The following USP36 variants were observed in gnomAD, a reference collection of about 807,000 sequenced individuals.
USP36 encodes the protein ubiquitin carboxyl-terminal hydrolase 36.
USP36 carries 59 observed loss-of-function variants against 111.5 expected under a neutral mutation model. That is an observed-to-expected ratio of 0.53 (90% CI 0.43 to 0.66). USP36 has a LOEUF of 0.66. Ranked by LOEUF, USP36 falls within the 30% of genes least tolerant of loss-of-function variation. The pLI, the probability that USP36 is intolerant of heterozygous loss-of-function variation, is 0.00. For synonymous variants in USP36, 628 were observed against 581.0 expected, an observed-to-expected ratio of 1.08 and a Z score of -1.16; for missense variants, 1,488 against 1,468.0, an observed-to-expected ratio of 1.01 and a Z score of -0.22.
At chr17:78,832,618 A>G (rs2068250927) in intron 4 of USP36, among the ~76,000 whole-genome samples, 1 of 152,240 alleles carries the variant, frequency 6.6e-6, no homozygotes. Context: ...AGTTTTAACT[A>G]AATTAATCCT....
At chr17:78,794,868 G>T (rs913138186), downstream of USP36, among the ~76,000 whole-genome samples, 6 of 151,960 alleles carry the variant, frequency 3.9e-5, no homozygotes, top group Admixed American at 6.6e-5. Context: ...TTAGTCAGGC[G>T]TGGTGATGCG....
intron 3 of USP36, chr17:78,835,892 A>G (rs2145653435): frequency 1.5e-6 from 1 of 684,110 alleles, no homozygotes; most frequent in African/African-American, 1.8e-5. Flanking sequence ...AGCAAGTCCA[A>G]GGACCCACCA....
chr17:78,806,368 A>G, intron 14 of USP36, 82 bp from the exon 15 acceptor site: 1 of 1,571,276 alleles, frequency 6.4e-7, no homozygotes, highest in Non-Finnish European at 8.6e-7. Flanking sequence ...AGTAACAAAA[A>G]ATGAAAATAA....
At chr17:78,814,852 G>A (rs2094143237) in intron 10 of USP36, among the ~76,000 whole-genome samples, 2 of 152,194 alleles carry the variant, frequency 1.3e-5, no homozygotes, top group South Asian at 2.1e-4. Context: ...TCAGGAGGCT[G>A]AGGAACAAGA....
At chr17:78,814,819 G>A (rs1216368486) in intron 10 of USP36, among the ~76,000 whole-genome samples, 1 of 152,130 alleles carries the variant, frequency 6.6e-6, no homozygotes, top group Non-Finnish European at 1.5e-5. Flanking sequence ...GCATGGTGGT[G>A]CACTGCCTGT....
At chr17:78,826,931 T>C (rs1245481887) in intron 6 of USP36, 1 of 600,800 alleles carries the variant, frequency 1.7e-6, no homozygotes, top group African/African-American at 1.9e-5. Flanking sequence ...TGAATGCCCC[T>C]AAGAAGGTCT....
chr17:78,822,809 T>C (rs2094361637), intron 6 of USP36, among the ~76,000 whole-genome samples: 1 of 152,176 alleles, frequency 6.6e-6, no homozygotes, highest in Admixed American at 6.5e-5. Context: ...GGAACTGCCT[T>C]CCTCAGAGTC....
intron 13 of USP36, among the ~76,000 whole-genome samples, chr17:78,812,581 T>C (rs1162781770): frequency 6.7e-6 from 1 of 149,246 alleles, no homozygotes; most frequent in Non-Finnish European, 1.5e-5. Context: ...TCCCAGCTAC[T>C]AGGGAGGCTG....
intron 10 of USP36, 134 bp downstream of exon 10, chr17:78,818,533 T>G (rs1399341604): frequency 2.7e-6 from 2 of 754,122 alleles, no homozygotes; most frequent in Admixed American, 2.4e-5. Context: ...TCACAATATG[T>G]GTAGAACCTT....
At chr17:78,838,328 C>T (rs1223752304) in intron 2 of USP36, among the ~76,000 whole-genome samples, 1 of 140,734 alleles carries the variant, frequency 7.1e-6, no homozygotes, top group Non-Finnish European at 1.5e-5. Flanking sequence ...GCCGAGATCG[C>T]GCCACTGCAC....
At chr17:78,815,280 C>T (rs1424094946) in intron 10 of USP36, among the ~76,000 whole-genome samples, 4 of 152,036 alleles carry the variant, frequency 2.6e-5, no homozygotes, top group Admixed American at 6.6e-5. Context: ...TACAGTGAGC[C>T]GAGATCATAC....
At chr17:78,815,609 T>A (rs1044476325) in intron 10 of USP36, among the ~76,000 whole-genome samples, 1 of 152,190 alleles carries the variant, frequency 6.6e-6, no homozygotes, top group Non-Finnish European at 1.5e-5. Context: ...AAGTGCTGAA[T>A]TAATATAGCC....
chr17:78,826,939 T>TC, intron 6 of USP36: 1 of 602,038 alleles, frequency 1.7e-6, no homozygotes. Flanking sequence ...CCTAAGAAGG[T>TC]CTGCTAACAT....
chr17:78,820,935 T>C, intron 8 of USP36, 56 bp downstream of exon 8: 1 of 1,553,054 alleles, frequency 6.4e-7, no homozygotes, highest in Non-Finnish European at 8.8e-7. Flanking sequence ...GGGTTCTGTT[T>C]CACCCTCTGG....
chr17:78,827,746 A>G (rs1385155215), intron 5 of USP36, among the ~76,000 whole-genome samples: 2 of 152,064 alleles, frequency 1.3e-5, no homozygotes. Context: ...CTACCAAAAT[A>G]AAAAATAAAA....
In USP36 at chr17:78,831,240, AAAAAAAAAAAAAAG is replaced by A. The variant is rs1222354586; in HGVS notation, c.476-2247_476-2234del. ...AACTCCATCTCAAAAAAAAAAAAAA[AAAAAAAAAAAAAAG>A]GGACAACATAAATATTGAAGAGCTC... is the stretch of plus-strand genomic sequence containing the variant. On this transcript the variant is annotated intron_variant, in intron 4 of 20. Transcript: ENST00000449938. 1.5e-4 allele frequency among the ~76,000 whole-genome samples: 22 copies of A among 148,468 alleles called. 1 individual carries two copies. Among genetic ancestry groups the A allele is most frequent in the Non-Finnish European group, 2.8e-4 (19 of 67,288 alleles).
At chr17:78,827,651 C>A (rs555209838) in intron 5 of USP36, among the ~76,000 whole-genome samples, 1 of 152,258 alleles carries the variant, frequency 6.6e-6, no homozygotes, top group East Asian at 1.9e-4. Flanking sequence ...ACCTGTCACT[C>A]TAACACTTCA....
intron 9 of USP36, 81 bp downstream of exon 9, chr17:78,819,849 G>A: frequency 1.4e-6 from 2 of 1,420,570 alleles, no homozygotes; most frequent in Non-Finnish European, 9.9e-7. Flanking sequence ...AAGGAAGAGT[G>A]GGTGGGCACA....
At chr17:78,791,516 C>T (rs1484906198), downstream of USP36, among the ~76,000 whole-genome samples, 1 of 152,174 alleles carries the variant, frequency 6.6e-6, no homozygotes, top group Non-Finnish European at 1.5e-5. Flanking sequence ...GCAGTTTCCC[C>T]TTGAGAAAGC....
Sources: allele counts gnomAD v4.1 joint callset (sites outside exome capture counted in the v4.1 genomes callset), GRCh38; gene constraint gnomAD v4.1.1; transcripts MANE v1.5; gene names NCBI Gene and HGNC (gene_info 2026-07-23, HGNC 2026-07-21).